Variants in MEGF6 observed in about 807,000 individuals in gnomAD.
MEGF6 encodes the protein multiple EGF like domains 6.
In MEGF6, 184 loss-of-function variants were observed where a neutral mutation model predicts 207.1. That is an observed-to-expected ratio of 0.89 (90% confidence interval 0.79 to 1.00). The LOEUF (loss-of-function observed/expected upper bound fraction) is 1.00, where lower values mean the gene tolerates loss of function less well. Among genes scored for constraint, MEGF6 ranks in the 50% least tolerant of loss-of-function variants. The pLI, the probability that MEGF6 is intolerant of heterozygous loss-of-function variation, is 0.00. For missense variants in MEGF6, 2,282 were observed against 2,202.9 expected (o/e 1.04, Z -0.72); for synonymous variants, 1,038 against 910.0 (o/e 1.14, Z -2.53).
In MEGF6 at chr1:3,509,196, C is replaced by T. The variant is rs752544784; in HGVS notation, c.1407G>A (p.Arg469=). The T allele has an allele frequency of 6.4e-7, 1 of 1,568,646 alleles. No individual in the cohort carries two copies. The highest frequency in any genetic ancestry group is 8.6e-7 in the Non-Finnish European group (1 of 1,157,902). Residue 469 remains arginine, a synonymous_variant, in exon 12 of 37, where the codon CGG becomes CGA. Transcript: ENST00000356575. ...VDLDGELPFV[R]PLPHIAVLQD... The stretch of plus-strand genomic sequence containing the variant: ...GGAGCACGGCAATGTGGGGCAGGGG[C>T]CGCACGAAAGGCAGCTCGCCGTCCA...
Position 3,523,083 on chromosome 1 carries a change from G to GGT in MEGF6, c.604+1040_604+1041insAC, listed in dbSNP as rs1553195926. ...ACATGTGAGTGTGTGCCGGGGGGGGGGCCCCAGGGCTGGCGAGCTGCTCTG... is the reference window on the plus strand; with the variant it reads ...ACATGTGAGTGTGTGCCGGGGGGGGGGTGCCCCAGGGCTGGCGAGCTGCTCTG... On this transcript the variant is annotated intron_variant, in intron 5 of 36. Coordinates refer to ENST00000356575, the MANE Select transcript of MEGF6 (RefSeq NM_001409.4). Among the ~76,000 whole-genome samples, 5 of 152,100 alleles carry GGT rather than the reference G, an allele frequency of 3.3e-5. No individual in the cohort carries two copies. In the South Asian group the frequency reaches 1.0e-3, roughly 32 times the overall value.
intron 4 of MEGF6, among the ~76,000 whole-genome samples, chr1:3,575,242 G>T (rs1184207760): frequency 6.6e-6 from 1 of 152,238 alleles, no homozygotes; most frequent in Non-Finnish European, 1.5e-5. Context: ...TGGGACCCGG[G>T]TGCAAAGGCA....
chr1:3,530,255 C>T (rs998503295), intron 4 of MEGF6, among the ~76,000 whole-genome samples: 3 of 152,212 alleles, frequency 2.0e-5, no homozygotes, highest in Admixed American at 6.5e-5. Context: ...GGGCGTGGTG[C>T]TTAGTCCTTC....
At position 3,502,501 on chromosome 1, in the gene MEGF6, C is replaced by T. The variant is rs558537752; in HGVS notation, c.2189-580G>A. ...AGGCTGTGCACCCACTCACTCCACCCGCAGAGTCACTGCCCTTTCCCTGTG... is the reference window on the plus strand; with the variant it reads ...AGGCTGTGCACCCACTCACTCCACCTGCAGAGTCACTGCCCTTTCCCTGTG... On this transcript the variant is annotated intron_variant, in intron 17 of 36. Transcript: ENST00000356575. Among the ~76,000 whole-genome samples the T allele has an allele frequency of 4.6e-5, 7 of 152,278 alleles. No individual in the cohort carries two copies. In the South Asian group the frequency reaches 6.2e-4, roughly 14 times the overall value.
chr1:3,494,243 T>C (rs1235125988), intron 32 of MEGF6, 119 bp from the exon 33 acceptor site: 25 of 1,467,990 alleles, frequency 1.7e-5, no homozygotes, highest in African/African-American at 5.7e-5. Flanking sequence ...CTGCCCGTCC[T>C]CGTCCCTCCC....
chr1:3,568,526 G>A lies in MEGF6; in HGVS notation c.481+11299C>T, dbSNP rs1216978080. 2.0e-5 allele frequency among the ~76,000 whole-genome samples: 3 copies of A among 152,014 alleles called. No individual in the cohort carries two copies. In the East Asian group the frequency reaches 5.8e-4, roughly 29 times the overall value. On this transcript the variant is annotated intron_variant, in intron 4 of 36. Coordinates refer to ENST00000356575, the MANE Select transcript of MEGF6 (RefSeq NM_001409.4). The stretch of plus-strand genomic sequence containing the variant: ...CACGCACCCACTTTCTTCAGGATGG[G>A]GGCCCATCACCTGCACCCCAAGCAG...
intron 4 of MEGF6, among the ~76,000 whole-genome samples, chr1:3,574,543 T>C (rs4431782): frequency 0.21 from 22,231 of 106,550 alleles, 2,594 homozygotes; most frequent in African/African-American, 0.41. Flanking sequence ...GTGGTGGTGC[T>C]GGAGACCCGT....
chr1:3,616,524 C>A, the MEGF6 span, among the ~76,000 whole-genome samples: 3 of 152,134 alleles, frequency 2.0e-5, no homozygotes, highest in Non-Finnish European at 4.4e-5. Context: ...TCCAGCAACA[C>A]CCAGCACGTG....
At chr1:3,544,279 C>A (rs1642632535) in intron 4 of MEGF6, among the ~76,000 whole-genome samples, 1 of 151,214 alleles carries the variant, frequency 6.6e-6, no homozygotes, top group Admixed American at 6.6e-5. Context: ...CCCTCAGCAT[C>A]ACAGCAGCCA....
At chr1:3,618,781 A>G in the MEGF6 span, among the ~76,000 whole-genome samples, 1 of 152,128 alleles carries the variant, frequency 6.6e-6, no homozygotes, top group Admixed American at 6.5e-5. This position sits in a 1 kb window ranked among gnomAD's most constrained non-coding sequence, Gnocchi z 4.7. Context: ...GGCTCCATGG[A>G]GAAGGGAGAG....
rs2101034845 is a variant in MEGF6 at position 3,509,883 on chromosome 1, A to G, written c.1344T>C (p.Arg448=). 1.3e-6 allele frequency: 2 copies of G among 1,559,634 alleles called. No individual in the cohort carries two copies. Among genetic ancestry groups the G allele is most frequent in the East Asian group, 2.4e-5 (1 of 41,886 alleles). The change falls in exon 11 of 37, where the codon CGT becomes CGC. Residue 448 remains arginine, a synonymous_variant. Coordinates refer to ENST00000356575, the MANE Select transcript of MEGF6 (RefSeq NM_001409.4). ...CEAGYRLHED[R]RGCSPLEEPM... is the part of the protein sequence containing the mutation. The stretch of plus-strand genomic sequence containing the variant: ...CGGGAGACTCACGGCTGCAGCCCCT[A>G]CGGTCCTCGTGCAGCCGGTAGCCGG...
upstream of MEGF6, among the ~76,000 whole-genome samples, chr1:3,613,660 A>G (rs946563391): frequency 6.6e-6 from 1 of 152,216 alleles, no homozygotes; most frequent in South Asian, 2.1e-4. Flanking sequence ...TGGGCAGGGG[A>G]GGGTTCAGGT....
chr1:3,581,239 G>C (rs1237671994), intron 3 of MEGF6, among the ~76,000 whole-genome samples: 1 of 152,042 alleles, frequency 6.6e-6, no homozygotes, highest in Non-Finnish European at 1.5e-5. Context: ...AGAGAAACAC[G>C]GGTCCCTGTG....
intron 3 of MEGF6, among the ~76,000 whole-genome samples, chr1:3,589,690 C>A (rs1165849980): frequency 6.6e-6 from 1 of 152,214 alleles, no homozygotes; most frequent in Non-Finnish European, 1.5e-5. Flanking sequence ...TCACTGCTAC[C>A]CTCTGGGTCC....
intron 2 of MEGF6, among the ~76,000 whole-genome samples, chr1:3,598,630 C>T (rs377631612): frequency 3.3e-5 from 5 of 152,104 alleles, no homozygotes; most frequent in East Asian, 3.9e-4. Context: ...ACCAGCCCTC[C>T]GTTCTCCTGC....
In MEGF6 at chr1:3,501,925, C is replaced by T. The variant is rs370614836; in HGVS notation, c.2189-4G>A. ...CCAAACGTCCCCACCGGGCACTCTG[C>T]AGGAGAAAGCACGAGGGGCCTTAGC... On this transcript the variant is annotated splice_polypyrimidine_tract_variant and splice_region_variant and intron_variant, in intron 17 of 36. Coordinates refer to ENST00000356575, the MANE Select transcript of MEGF6 (RefSeq NM_001409.4). 1.2e-5 allele frequency: 18 copies of T among 1,553,524 alleles called. No individual in the cohort carries two copies. In the African/African-American group the frequency reaches 2.4e-4, roughly 21 times the overall value.
chr1:3,497,431 G>A (rs574327128), intron 26 of MEGF6, 70 bp from the exon 27 acceptor site: 32 of 1,446,936 alleles, frequency 2.2e-5, no homozygotes, highest in African/African-American at 1.0e-4. Context: ...AGGACAGGCC[G>A]GGAGCAGGTG....
At chr1:3,597,098 G>GCAGCCACCAGCAGCTCACA (rs1644080119) in intron 2 of MEGF6, among the ~76,000 whole-genome samples, 2 of 152,238 alleles carry the variant, frequency 1.3e-5, no homozygotes, top group Non-Finnish European at 2.9e-5. Context: ...TCATTGCCCT[G>GCAGCCACCAGCAGCTCACA]CAGCCACCAG....
chr1:3,564,242 CA>C (rs1643284357), intron 4 of MEGF6, among the ~76,000 whole-genome samples: 1 of 151,456 alleles, frequency 6.6e-6, no homozygotes, highest in Non-Finnish European at 1.5e-5. Flanking sequence ...GGAGCTGAGT[CA>C]GGGGTGCAGG....
Sources: allele counts gnomAD v4.1 joint callset (sites outside exome capture counted in the v4.1 genomes callset), GRCh38; gene constraint gnomAD v4.1.1; non-coding constraint Gnocchi (gnomAD v3.1); transcripts MANE v1.5; gene names NCBI Gene and HGNC (gene_info 2026-07-23, HGNC 2026-07-21).